Variants in HPSE2 observed in about 807,000 individuals in gnomAD.
HPSE2 encodes heparanase 2 (inactive).
In HPSE2, 38 loss-of-function variants were observed where a neutral mutation model predicts 60.5. The ratio of observed to expected loss-of-function variants is 0.63; its 90% CI spans 0.48 to 0.82. The LOEUF is 0.82. Ranked by LOEUF, HPSE2 falls within the 40% of genes least tolerant of loss-of-function variation. HPSE2 has a pLI of 0.00. For synonymous variants in HPSE2, 295 were observed against 293.2 expected (o/e 1.01, Z -0.06); for missense variants, 713 against 740.4 (o/e 0.96, Z 0.43).
chr10:99,271,878 A>G, the HPSE2 span, among the ~76,000 whole-genome samples: 1 of 152,206 alleles, frequency 6.6e-6, no homozygotes, highest in Non-Finnish European at 1.5e-5. Flanking sequence ...AAACAAAAAC[A>G]TAAGGTGGGG....
At chr10:98,836,397 C>T (rs1951791068) in intron 3 of HPSE2, among the ~76,000 whole-genome samples, 1 of 152,230 alleles carries the variant, frequency 6.6e-6, no homozygotes. Context: ...AAATCTCTAG[C>T]ACAGAACCCA....
the HPSE2 span, among the ~76,000 whole-genome samples, chr10:99,260,313 A>C: frequency 4.0e-5 from 6 of 151,424 alleles, no homozygotes; most frequent in African/African-American, 1.2e-4. Flanking sequence ...TGGTCTCTTC[A>C]CACAGATGCG....
At chr10:98,955,061 T>C (rs2135208563) in intron 3 of HPSE2, among the ~76,000 whole-genome samples, 1 of 151,134 alleles carries the variant, frequency 6.6e-6, no homozygotes, top group South Asian at 2.1e-4. Context: ...TCCAAAAGAA[T>C]GGTGATTCAC....
At chr10:98,600,979 A>G (rs1945409972) in intron 9 of HPSE2, among the ~76,000 whole-genome samples, 1 of 147,518 alleles carries the variant, frequency 6.8e-6, no homozygotes, top group East Asian at 2.0e-4. Context: ...AGAGAGAAAG[A>G]AACAGACAGA....
At chr10:99,009,907 C>T (rs954394622) in intron 3 of HPSE2, among the ~76,000 whole-genome samples, 11 of 152,308 alleles carry the variant, frequency 7.2e-5, no homozygotes, top group African/African-American at 2.6e-4. Context: ...AAACTTGGAA[C>T]TTAAAAATTA....
At chr10:99,065,327 C>T (rs1006338484) in intron 3 of HPSE2, among the ~76,000 whole-genome samples, 7 of 152,076 alleles carry the variant, frequency 4.6e-5, no homozygotes, top group African/African-American at 1.7e-4. Context: ...CCTTCTGCAC[C>T]CAGTTTGCCT....
At chr10:98,706,800 C>G (rs1948559352) in intron 5 of HPSE2, among the ~76,000 whole-genome samples, 1 of 152,146 alleles carries the variant, frequency 6.6e-6, no homozygotes, top group Non-Finnish European at 1.5e-5. Flanking sequence ...TTGGTCAGAT[C>G]ACTAGGAGCT....
At chr10:99,301,750 C>G in the HPSE2 span, among the ~76,000 whole-genome samples, 1 of 152,006 alleles carries the variant, frequency 6.6e-6, no homozygotes, top group African/African-American at 2.4e-5. Context: ...GTAGAAGAAG[C>G]CAGAAAGTTT....
chr10:99,307,906 A>C, the HPSE2 span, among the ~76,000 whole-genome samples: 1 of 151,966 alleles, frequency 6.6e-6, no homozygotes, highest in South Asian at 2.1e-4. Flanking sequence ...CCTGAAACAG[A>C]GGTTCACAAT....
intron 5 of HPSE2, among the ~76,000 whole-genome samples, chr10:98,706,198 T>C (rs943590464): frequency 2.6e-5 from 4 of 152,176 alleles, no homozygotes; most frequent in African/African-American, 9.7e-5. Context: ...CTTTCCAGTA[T>C]CTTATGCTGC....
chr10:98,979,503 C>G (rs1956160753), intron 3 of HPSE2, among the ~76,000 whole-genome samples: 1 of 152,208 alleles, frequency 6.6e-6, no homozygotes, highest in East Asian at 1.9e-4. Context: ...AAATTACATC[C>G]TTTTCAGCTA....
At chr10:99,058,157 G>A (rs1401020808) in intron 3 of HPSE2, among the ~76,000 whole-genome samples, 1 of 152,184 alleles carries the variant, frequency 6.6e-6, no homozygotes, top group Non-Finnish European at 1.5e-5. Context: ...CAGATTGCCT[G>A]ACTGGGAGAG....
the HPSE2 span, among the ~76,000 whole-genome samples, chr10:99,259,319 A>C: frequency 1.3e-5 from 2 of 151,870 alleles, no homozygotes; most frequent in African/African-American, 4.8e-5. Context: ...AAAAAAAAAA[A>C]AAAAGACACT....
chr10:99,086,836 T>G (rs1843338126), intron 3 of HPSE2, among the ~76,000 whole-genome samples: 1 of 152,204 alleles, frequency 6.6e-6, no homozygotes, highest in Non-Finnish European at 1.5e-5. Context: ...ATTTCTCTCC[T>G]TCTGAGGATT....
At chr10:98,888,978 G>C (rs1421767027) in intron 3 of HPSE2, among the ~76,000 whole-genome samples, 3 of 152,058 alleles carry the variant, frequency 2.0e-5, no homozygotes, top group African/African-American at 4.8e-5. Context: ...ATCACTTGAG[G>C]CTAGGAGTTC....
In HPSE2 at chr10:98,627,658, A is replaced by C. The variant is rs188766546; in HGVS notation, c.1099-6950T>G. Reference sequence around the variant, plus strand: ...TTCTCAGCTGTAAAATCAGAATCATATCTGCCTTAGAGGATTTTATGATAT... The same window carrying C: ...TTCTCAGCTGTAAAATCAGAATCATCTCTGCCTTAGAGGATTTTATGATAT... On this transcript the variant is annotated intron_variant, in intron 7 of 11. Coordinates refer to ENST00000370552, the MANE Select transcript of HPSE2 (RefSeq NM_021828.5). 1.1e-3 allele frequency among the ~76,000 whole-genome samples: 168 copies of C among 152,350 alleles called. 3 individuals are homozygous for C. Among genetic ancestry groups the C allele is most frequent in the Non-Finnish European group, 1.9e-3 (127 of 68,036 alleles).
chr10:99,024,470 A>G (rs1957332655), intron 3 of HPSE2, among the ~76,000 whole-genome samples: 1 of 152,208 alleles, frequency 6.6e-6, no homozygotes, highest in Non-Finnish European at 1.5e-5. Flanking sequence ...GGCCTTAAAG[A>G]GGAAGCAGAG....
chr10:98,899,823 G>A (rs1346438557), intron 3 of HPSE2, among the ~76,000 whole-genome samples: 3 of 137,762 alleles, frequency 2.2e-5, no homozygotes, highest in Non-Finnish European at 4.6e-5. Context: ...ACATGCTGTT[G>A]CCCAGGCCGG....
chr10:99,175,194 G>A (rs906773682), intron 2 of HPSE2, among the ~76,000 whole-genome samples: 1 of 152,116 alleles, frequency 6.6e-6, no homozygotes, highest in Non-Finnish European at 1.5e-5. Context: ...TGGCCATTTG[G>A]GCAGACACCA....
Sources: allele counts gnomAD v4.1 joint callset (sites outside exome capture counted in the v4.1 genomes callset), GRCh38; gene constraint gnomAD v4.1.1; transcripts MANE v1.5; gene names NCBI Gene and HGNC (gene_info 2026-07-23, HGNC 2026-07-21).